CREB5: variants seen among roughly 807,000 people sequenced by gnomAD.
The protein encoded by CREB5 is cyclic AMP-responsive element-binding protein 5.
Under a neutral mutation model 57.1 loss-of-function variants are expected in CREB5, and 19 were observed. The observed-to-expected ratio is 0.33, with a 90% confidence interval of 0.23 to 0.49. CREB5 has a LOEUF of 0.49. CREB5 is among the 20% of genes least tolerant of loss of function. CREB5 has a pLI of 0.99. For synonymous variants in CREB5, 238 were observed against 238.3 expected (o/e 1.00, Z 0.01); for missense variants, 579 against 671.6 (o/e 0.86, Z 1.52).
upstream of CREB5, chr7:28,410,830 A>G: frequency 3.0e-6 from 1 of 337,500 alleles, no homozygotes; most frequent in Non-Finnish European, 5.9e-6. Context: ...AATGCTGACA[A>G]AGCAACTCTG....
chr7:28,574,142 G>A (rs375147913), intron 5 of CREB5, among the ~76,000 whole-genome samples: 2 of 152,284 alleles, frequency 1.3e-5, no homozygotes, highest in Admixed American at 6.5e-5. Context: ...TGATGGTAGC[G>A]TTTTCAGAGA....
intron 5 of CREB5, among the ~76,000 whole-genome samples, chr7:28,709,168 G>T (rs1802276875): frequency 6.6e-6 from 1 of 152,160 alleles, no homozygotes; most frequent in Non-Finnish European, 1.5e-5. Context: ...AATAATTGAT[G>T]GAACTGGGAA....
At chr7:28,486,673 T>A (rs11973026) in intron 1 of CREB5, among the ~76,000 whole-genome samples, 35 of 78,892 alleles carry the variant, frequency 4.4e-4, no homozygotes, top group African/African-American at 1.6e-3. Context: ...TATGATTTTA[T>A]ATATATATAT....
At chr7:28,412,089 G>A (rs1422142972), upstream of CREB5, among the ~76,000 whole-genome samples, 1 of 152,192 alleles carries the variant, frequency 6.6e-6, no homozygotes, top group Non-Finnish European at 1.5e-5. Context: ...AGGCTCTTTA[G>A]ATAAATGCTC....
At chr7:28,641,687 G>T (rs562645188) in intron 5 of CREB5, among the ~76,000 whole-genome samples, 1 of 152,268 alleles carries the variant, frequency 6.6e-6, no homozygotes, top group South Asian at 2.1e-4. Context: ...AAAGGAAATG[G>T]TGAGTTAGAC....
intron 5 of CREB5, among the ~76,000 whole-genome samples, chr7:28,641,230 A>T (rs1304158732): frequency 6.6e-6 from 1 of 152,132 alleles, no homozygotes; most frequent in Non-Finnish European, 1.5e-5. Flanking sequence ...CTGCTTAATA[A>T]GTTTGAAGGG....
At chr7:28,488,331 C>T (rs1791662339) in intron 2 of CREB5, 85 bp downstream of exon 2, 2 of 1,196,352 alleles carry the variant, frequency 1.7e-6, no homozygotes, top group South Asian at 1.3e-5. Flanking sequence ...TCATGCCTGC[C>T]CTGGGCTTTC....
At chr7:28,358,814 A>G (rs181804116) in intron 1 of CREB5, among the ~76,000 whole-genome samples, 2 of 152,340 alleles carry the variant, frequency 1.3e-5, no homozygotes, top group Non-Finnish European at 2.9e-5. Context: ...GTTAGAGGGA[A>G]TATAGAGCCA....
chr7:28,409,259 C>T (rs566425707), upstream of CREB5: 560 of 152,078 alleles, frequency 3.7e-3, 2 homozygotes, highest in Non-Finnish European at 4.4e-3. The surrounding 1 kb of genome is among the most constrained non-coding windows in gnomAD (Gnocchi z 4.4). Context: ...CCCCTCGCTC[C>T]GTCCCTCCCC....
chr7:28,628,821 G>C (rs1351163014), intron 5 of CREB5, among the ~76,000 whole-genome samples: 2 of 152,180 alleles, frequency 1.3e-5, no homozygotes. Context: ...TAATAGTTGA[G>C]AAGAAGAAAG....
chr7:28,660,651 C>G (rs1055826500), intron 5 of CREB5, among the ~76,000 whole-genome samples: 1 of 152,078 alleles, frequency 6.6e-6, no homozygotes, highest in East Asian at 1.9e-4. Context: ...GTCTAGAGAA[C>G]TTTGTTTAAC....
intron 1 of CREB5, among the ~76,000 whole-genome samples, chr7:28,311,403 G>A (rs955814508): frequency 2.0e-5 from 3 of 152,170 alleles, no homozygotes; most frequent in Admixed American, 6.5e-5. Flanking sequence ...TGGGAACTGA[G>A]CAGTTAAAAC....
intron 1 of CREB5, among the ~76,000 whole-genome samples, chr7:28,348,457 G>A (rs897144233): frequency 2.7e-5 from 4 of 148,976 alleles, no homozygotes; most frequent in African/African-American, 1.0e-4. Context: ...CACCTTGCAT[G>A]GTAGTGGTGA....
intron 5 of CREB5, among the ~76,000 whole-genome samples, chr7:28,588,196 A>G (rs947585451): frequency 5.3e-5 from 8 of 152,168 alleles, no homozygotes; most frequent in Admixed American, 3.3e-4. Context: ...GCCATTTCCT[A>G]TACGTAGCGG....
intron 1 of CREB5, among the ~76,000 whole-genome samples, chr7:28,426,138 A>G (rs941430405): frequency 2.0e-5 from 3 of 152,208 alleles, no homozygotes; most frequent in Non-Finnish European, 4.4e-5. Context: ...GAGCAGAATT[A>G]TTTATTGAGT....
chr7:28,360,925 A>T (rs1484947027), intron 1 of CREB5, among the ~76,000 whole-genome samples: 1 of 152,058 alleles, frequency 6.6e-6, no homozygotes, highest in African/African-American at 2.4e-5. Flanking sequence ...GATATTGGCA[A>T]TGTCTACAGA....
chr7:28,538,043 A>ATGGTT (rs72446973), intron 4 of CREB5, among the ~76,000 whole-genome samples: 66 of 151,308 alleles, frequency 4.4e-4, no homozygotes, highest in African/African-American at 1.2e-3. Flanking sequence ...TGTTGTTGTT[A>ATGGTT]TCGTTTTGTT....
chr7:28,385,935 C>T (rs1434610782), intron 1 of CREB5, among the ~76,000 whole-genome samples: 1 of 152,024 alleles, frequency 6.6e-6, no homozygotes. Context: ...CCTGCACTTC[C>T]ATCAGAATGG....
At chr7:28,401,096 C>A (rs1787452422) in intron 1 of CREB5, among the ~76,000 whole-genome samples, 1 of 152,152 alleles carries the variant, frequency 6.6e-6, no homozygotes, top group African/African-American at 2.4e-5. Context: ...TTCACTTAAT[C>A]TCAAAGCAGA....
Sources: allele counts gnomAD v4.1 joint callset (sites outside exome capture counted in the v4.1 genomes callset), GRCh38; gene constraint gnomAD v4.1.1; non-coding constraint Gnocchi (gnomAD v3.1); transcripts MANE v1.5; gene names NCBI Gene and HGNC (gene_info 2026-07-23, HGNC 2026-07-21).